ANKRD55: variants seen among roughly 807,000 people sequenced by gnomAD.
ANKRD55 encodes ankyrin repeat domain-containing protein 55.
ANKRD55 carries 41 observed loss-of-function variants against 60.6 expected under a neutral mutation model. That is an observed-to-expected ratio of 0.68 (90% CI 0.53 to 0.88). The LOEUF is 0.88. Among genes scored for constraint, ANKRD55 ranks in the 40% least tolerant of loss-of-function variants. The probability of loss-of-function intolerance (pLI) is 0.00; values close to 1 mark genes in which losing one functional copy is unlikely to be tolerated. For synonymous variants in ANKRD55, 264 were observed against 290.3 expected (o/e 0.91, Z 0.92); for missense variants, 732 against 767.6 (o/e 0.95, Z 0.55).
At chr5:56,185,446 CA>C in intron 2 of ANKRD55, among the ~76,000 whole-genome samples, 1 of 152,266 alleles carries the variant, frequency 6.6e-6, no homozygotes, top group East Asian at 1.9e-4. Context: ...GTGGGTGGAT[CA>C]CCTGAGGTCA....
At chr5:56,119,009 T>A (rs1414340743) in intron 8 of ANKRD55, among the ~76,000 whole-genome samples, 2 of 152,334 alleles carry the variant, frequency 1.3e-5, no homozygotes, top group African/African-American at 4.8e-5. Flanking sequence ...TGGAAAATAA[T>A]TTAGCAGTTC....
chr5:56,160,758 T>C (rs1758307854), intron 5 of ANKRD55: 1 of 152,252 alleles, frequency 6.6e-6, no homozygotes, highest in Admixed American at 6.5e-5. Flanking sequence ...GTAAAACAGC[T>C]ATCAATGATT....
Position 56,137,615 on chromosome 5 carries a change from C to G in ANKRD55, c.612+6186G>C. ...GATAACAGGAGCAAAATTGAGATGACCTTGGGTTTGGTGATGACTTTTAGA... is the reference window on the plus strand; with the variant it reads ...GATAACAGGAGCAAAATTGAGATGAGCTTGGGTTTGGTGATGACTTTTAGA... On this transcript the variant is annotated intron_variant, in intron 7 of 11. Coordinates refer to ENST00000341048, the MANE Select transcript of ANKRD55 (RefSeq NM_024669.3). The G allele has an allele frequency of 8.2e-6, 5 of 607,520 alleles. No individual in the cohort carries two copies. The East Asian group carries it at 1.4e-4, about 17-fold the overall frequency. 37.6% of individuals were successfully genotyped at this position (607,520 alleles called of 1,614,324 possible). A position where few individuals can be genotyped will look rare whatever the true frequency, so the allele number is the denominator to read the frequency against.
intron 4 of ANKRD55, among the ~76,000 whole-genome samples, chr5:56,173,550 CTCTCTCTCTCTCTCTCT>C (rs1758658024): frequency 1.6e-5 from 1 of 62,240 alleles, no homozygotes; most frequent in Non-Finnish European, 3.0e-5. Flanking sequence ...GCCTCTCTCT[CTCTCTCTCTCTCTCTCT>C]CTCTCTCTCT....
Position 56,143,972 on chromosome 5 carries a change from C to G in ANKRD55, c.484-43G>C, listed in dbSNP as rs1440981021. 4.3e-6 allele frequency: 7 copies of G among 1,610,530 alleles called. No individual in the cohort carries two copies. In the African/African-American group the frequency reaches 9.4e-5, roughly 22 times the overall value. On this transcript the variant is annotated intron_variant, in intron 6 of 11. Transcript: ENST00000341048. ...GAGAGGACAGAGATGAGCACAGGCTCCCAGGAAGAAAACTGGAGCTCACAC... is the reference window on the plus strand; with the variant it reads ...GAGAGGACAGAGATGAGCACAGGCTGCCAGGAAGAAAACTGGAGCTCACAC...
rs1308152651 is a variant in ANKRD55, at chr5:56,102,572, G to A, written c.1645C>T (p.His549Tyr). 3.1e-6 allele frequency: 5 copies of A among 1,613,188 alleles called. No homozygotes were observed. Among genetic ancestry groups the A allele is most frequent in the Non-Finnish European group, 3.4e-6 (4 of 1,179,386 alleles). ...HNPSSGQNFQ[H>Y]LSPNRHKIRD... ...ATTTTGTGTCTGTTTGGGGAAAGAT[G>A]CTGAAAATTTTGTCCTGAAGATAAA... The change falls in exon 11 of 12, where the codon CAT becomes TAT. Residue 549 changes from histidine to tyrosine, a missense_variant. Physicochemically the swap from His to Tyr is moderately conservative, Grantham distance 83 (BLOSUM62 2). Around this residue, in one of 3 missense-constraint regions of ANKRD55, gnomAD observed 597 missense variants for 607.5 expected, o/e 0.98. Transcript: ENST00000341048.
Position 56,111,213 on chromosome 5 carries a change from G to T in ANKRD55, c.1535C>A (p.Ser512Tyr). Residue 512 changes from serine to tyrosine, a missense_variant, in exon 10 of 12, where the codon TCT becomes TAT. Coordinates refer to ENST00000341048, the MANE Select transcript of ANKRD55 (RefSeq NM_024669.3). The stretch of plus-strand genomic sequence containing the variant: ...GAGCAATCTGTCCAGCAGCTTATCA[G>T]AAGAAGACACAGTCCAAACTTTGTA... ...FSYKVWTVSSSDKLLDRLLSV... is the reference protein window; with the variant it reads ...FSYKVWTVSSYDKLLDRLLSV... 1 of 1,614,206 alleles carries T rather than the reference G, an allele frequency of 6.2e-7. No individual in the cohort carries two copies. The highest frequency in any genetic ancestry group is 1.1e-5 in the South Asian group (1 of 91,076).
chr5:56,184,154 T>G (rs961398045), intron 2 of ANKRD55, among the ~76,000 whole-genome samples: 1 of 152,192 alleles, frequency 6.6e-6, no homozygotes, highest in Non-Finnish European at 1.5e-5. Context: ...CTCACCCTTT[T>G]GCTTGCCCAT....
At chr5:56,117,643 G>A (rs1439827348) in intron 8 of ANKRD55, among the ~76,000 whole-genome samples, 1 of 151,946 alleles carries the variant, frequency 6.6e-6, no homozygotes, top group Non-Finnish European at 1.5e-5. Flanking sequence ...TAGTAGAGAC[G>A]GGGTTTCACT....
intron 7 of ANKRD55, among the ~76,000 whole-genome samples, chr5:56,130,723 G>A (rs1757386102): frequency 1.3e-5 from 2 of 152,206 alleles, no homozygotes; most frequent in Non-Finnish European, 2.9e-5. Context: ...GCTAAGGGCT[G>A]TAAATGGATA....
chr5:56,209,701 G>C (rs1759613544), intron 2 of ANKRD55, among the ~76,000 whole-genome samples: 1 of 152,134 alleles, frequency 6.6e-6, no homozygotes, highest in East Asian at 1.9e-4. Context: ...TCCTGACCTC[G>C]TGATCCACCC....
chr5:56,128,198 T>G (rs1369742034), intron 7 of ANKRD55, among the ~76,000 whole-genome samples: 1 of 152,164 alleles, frequency 6.6e-6, no homozygotes, highest in East Asian at 1.9e-4. Flanking sequence ...TTCTTTTTTG[T>G]TTACAATTTC....
At chr5:56,137,654 A>G in intron 7 of ANKRD55, 1 of 510,160 alleles carries the variant, frequency 2.0e-6, no homozygotes, top group East Asian at 3.5e-5. Flanking sequence ...TGAAATAATA[A>G]TCCATGGAAG....
chr5:56,143,862 T>G lies in ANKRD55; in HGVS notation c.551A>C (p.Lys184Thr). 6.2e-7 allele frequency: 1 copy of G among 1,614,174 alleles called. No individual in the cohort carries two copies. The highest frequency in any genetic ancestry group is 8.5e-7 in the Non-Finnish European group (1 of 1,180,028). The change falls in exon 7 of 12, where the codon AAG becomes ACG. Residue 184 changes from lysine to threonine, a missense_variant. Lys to Thr is a moderately conservative substitution (Grantham distance 78). Around this residue, in one of 3 missense-constraint regions of ANKRD55, gnomAD observed 597 missense variants for 607.5 expected, o/e 0.98. Coordinates refer to ENST00000341048, the MANE Select transcript of ANKRD55 (RefSeq NM_024669.3). ...ATCCACAAGGGTGGGGTCTGCCCCC[T>G]TCTTCAGCAGCATTTGTGTGTGTTG... is the stretch of plus-strand genomic sequence containing the variant. The part of the protein sequence containing the change: ...QPQHTQMLLK[K>T]GADPTLVDKD...
At chr5:56,218,096 C>T (rs1282964422) in intron 2 of ANKRD55, among the ~76,000 whole-genome samples, 1 of 152,018 alleles carries the variant, frequency 6.6e-6, no homozygotes, top group African/African-American at 2.4e-5. Context: ...TCATGATAAA[C>T]CTTGAATGGA....
chr5:56,227,808 G>C (rs1177340039), intron 2 of ANKRD55, among the ~76,000 whole-genome samples: 1 of 152,090 alleles, frequency 6.6e-6, no homozygotes, highest in African/African-American at 2.4e-5. Flanking sequence ...ATGTGAAGCT[G>C]ATATGAGGAT....
intron 8 of ANKRD55, among the ~76,000 whole-genome samples, chr5:56,121,701 A>G (rs1757068890): frequency 6.6e-6 from 1 of 152,062 alleles, no homozygotes; most frequent in Admixed American, 6.5e-5. Context: ...AAAAGATTGT[A>G]TGCTCCACGT....
intron 6 of ANKRD55, among the ~76,000 whole-genome samples, chr5:56,151,166 G>T (rs72767224): frequency 0.26 from 38,799 of 152,042 alleles, 5,093 homozygotes; most frequent in Middle Eastern, 0.3. Flanking sequence ...CCTAATTTCA[G>T]GTATGTTTCT....
At chr5:56,100,669 C>G in intron 11 of ANKRD55, among the ~76,000 whole-genome samples, 1 of 152,146 alleles carries the variant, frequency 6.6e-6, no homozygotes, top group East Asian at 1.9e-4. Context: ...TTATGCAAAC[C>G]TCAAAAGGCT....
Sources: gnomAD v4.1 joint callset for allele counts (sites outside exome capture counted in the v4.1 genomes callset) on GRCh38, gnomAD v4.1.1 for gene constraint, gnomAD v4.1.1 regional missense constraint, MANE v1.5 for transcripts, NCBI Gene and HGNC (gene_info 2026-07-23, HGNC 2026-07-21) for gene names.